The following ARHGEF10L variants were observed in gnomAD, a reference collection of about 807,000 sequenced individuals.
The protein encoded by ARHGEF10L is rho guanine nucleotide exchange factor 10-like protein.
ARHGEF10L carries 69 observed loss-of-function variants against 141.2 expected under a neutral mutation model. The observed-to-expected ratio is 0.49, with a 90% CI of 0.40 to 0.60. The LOEUF (loss-of-function observed/expected upper bound fraction) is 0.60. Among genes scored for constraint, ARHGEF10L ranks in the 20% least tolerant of loss-of-function variants. The probability of loss-of-function intolerance (pLI) is 0.00; values close to 1 mark genes in which losing one functional copy is unlikely to be tolerated. For synonymous variants in ARHGEF10L, 711 were observed against 718.5 expected (o/e 0.99, Z 0.17); for missense variants, 1,482 against 1,734.3 (o/e 0.85, Z 2.58).
chr1:17,578,232 C>G (rs1376310642), intron 1 of ARHGEF10L, among the ~76,000 whole-genome samples: 1 of 152,178 alleles, frequency 6.6e-6, no homozygotes, highest in South Asian at 2.1e-4. Flanking sequence ...TTTGAATGAG[C>G]CCACTGGGAG....
chr1:17,585,370 G>C (rs1436940174), intron 2 of ARHGEF10L, among the ~76,000 whole-genome samples: 1 of 152,190 alleles, frequency 6.6e-6, no homozygotes, highest in Non-Finnish European at 1.5e-5. Context: ...AAATGGAGGT[G>C]ATCCTGAGGC....
intron 1 of ARHGEF10L, among the ~76,000 whole-genome samples, chr1:17,565,057 G>A (rs1296606855): frequency 6.6e-6 from 1 of 152,230 alleles, no homozygotes; most frequent in East Asian, 1.9e-4. Context: ...ATTTCTCAAA[G>A]TTCTGAAGGC....
intron 21 of ARHGEF10L, among the ~76,000 whole-genome samples, chr1:17,641,606 G>A (rs1018698236): frequency 9.9e-5 from 15 of 152,092 alleles, no homozygotes; most frequent in Admixed American, 9.8e-4. Context: ...CTGGGCAACA[G>A]AGCCAGACTC....
chr1:17,575,851 C>A (rs34932492), intron 1 of ARHGEF10L, among the ~76,000 whole-genome samples: 3,065 of 152,286 alleles, frequency 0.02, 53 homozygotes, highest in East Asian at 0.084. Flanking sequence ...TCTTTCCCCC[C>A]ATTCCCCACC....
At position 17,580,536 on chromosome 1, in the gene ARHGEF10L, T is replaced by C. The variant is rs2078448059; in HGVS notation, c.-43-17T>C. The C allele has an allele frequency of 6.2e-7, 1 of 1,610,718 alleles. No individual in the cohort carries two copies. Among genetic ancestry groups the C allele is most frequent in the Non-Finnish European group, 8.5e-7 (1 of 1,176,918 alleles). On this transcript the variant is annotated splice_polypyrimidine_tract_variant and intron_variant, in intron 1 of 28. Transcript: ENST00000361221. ...CCCTGACTCCAGCTAATGCGATTTC[T>C]GGTCTTCTTTCCACAGGTGTGTAGC...
chr1:17,596,769 G>A (rs905847861), intron 4 of ARHGEF10L, among the ~76,000 whole-genome samples: 2 of 152,178 alleles, frequency 1.3e-5, no homozygotes, highest in African/African-American at 2.4e-5. Context: ...GGCCCGGCGC[G>A]GTGGCTCATG....
intron 1 of ARHGEF10L, among the ~76,000 whole-genome samples, chr1:17,552,587 T>A (rs926815385): frequency 8.5e-6 from 1 of 117,910 alleles, no homozygotes; most frequent in African/African-American, 2.9e-5. Context: ...TTTTTTTTTT[T>A]TTTTTTTTTT....
chr1:17,565,242 C>G (rs1476981071), intron 1 of ARHGEF10L, among the ~76,000 whole-genome samples: 1 of 152,220 alleles, frequency 6.6e-6, no homozygotes, highest in Non-Finnish European at 1.5e-5. Context: ...ATTACCTCCC[C>G]AAAGCCCCAC....
At chr1:17,579,999 C>T (rs1363287861) in intron 1 of ARHGEF10L, among the ~76,000 whole-genome samples, 1 of 152,252 alleles carries the variant, frequency 6.6e-6, no homozygotes, top group Non-Finnish European at 1.5e-5. Flanking sequence ...TTTCCTCACA[C>T]CCATGTGCCA....
At chr1:17,552,385 A>C (rs2077145913) in intron 1 of ARHGEF10L, among the ~76,000 whole-genome samples, 2 of 151,888 alleles carry the variant, frequency 1.3e-5, no homozygotes, top group East Asian at 3.9e-4. Flanking sequence ...ACCACGCATG[A>C]TCTTGTTTCA....
intron 21 of ARHGEF10L, among the ~76,000 whole-genome samples, chr1:17,642,237 G>A (rs968446535): frequency 1.3e-5 from 2 of 152,170 alleles, no homozygotes; most frequent in Non-Finnish European, 2.9e-5. Context: ...CCATCTGGGG[G>A]ACCCCTGAGG....
upstream of ARHGEF10L, among the ~76,000 whole-genome samples, chr1:17,538,975 A>G (rs1463891905): frequency 1.3e-5 from 2 of 152,356 alleles, no homozygotes; most frequent in African/African-American, 2.4e-5. Flanking sequence ...AGGAGGGAGT[A>G]CCTAGTGTTT....
intron 25 of ARHGEF10L, among the ~76,000 whole-genome samples, chr1:17,663,063 C>T (rs1299082872): frequency 6.6e-6 from 1 of 152,220 alleles, no homozygotes; most frequent in Admixed American, 6.5e-5. Flanking sequence ...CAAGACAGGG[C>T]AGCCACCGGG....
At chr1:17,695,949 C>T (rs2065464106) in intron 28 of ARHGEF10L, among the ~76,000 whole-genome samples, 1 of 152,116 alleles carries the variant, frequency 6.6e-6, no homozygotes, top group Admixed American at 6.5e-5. Context: ...GTAATCCTAG[C>T]ACTTTGGGAG....
At position 17,695,171 on chromosome 1, in the gene ARHGEF10L, GT is replaced by G; in HGVS notation, c.3199del (p.Cys1067ValfsTer6). ...TFLLPGQKHLCVTSLLICQGL... is the reference protein window; with the variant it reads ...TFLLPGQKHLXVTSLLICQGL... ...CTCTTTCTGCAGGCCAGAAGCACTT[GT>G]GTGTCACCAGCCTCCTGATCTGCCA... On this transcript the variant is annotated frameshift_variant, in exon 28 of 29. Transcript: ENST00000361221. LOFTEE classifies it high-confidence loss of function. 1.9e-6 allele frequency: 3 copies of G among 1,612,900 alleles called. No individual in the cohort carries two copies. Among genetic ancestry groups the G allele is most frequent in the Non-Finnish European group, 2.5e-6 (3 of 1,179,980 alleles).
At chr1:17,613,297 C>A in intron 8 of ARHGEF10L, 123 bp downstream of exon 8, 1 of 777,868 alleles carries the variant, frequency 1.3e-6, no homozygotes, top group Non-Finnish European at 2.2e-6. Flanking sequence ...AGTCCCAGGG[C>A]TGTCCTGAGA....
At chr1:17,562,146 G>A (rs1246358680) in intron 1 of ARHGEF10L, among the ~76,000 whole-genome samples, 6 of 152,194 alleles carry the variant, frequency 3.9e-5, no homozygotes, top group Admixed American at 3.3e-4. Context: ...TGGGTGTAGT[G>A]GCTCACACCT....
At chr1:17,624,170 G>T (rs561267524) in intron 12 of ARHGEF10L, among the ~76,000 whole-genome samples, 1 of 152,288 alleles carries the variant, frequency 6.6e-6, no homozygotes, top group Admixed American at 6.5e-5. Context: ...TCCCACCTGT[G>T]ACCTCAGGCC....
chr1:17,554,583 C>CTTTT (rs970778480), intron 1 of ARHGEF10L, among the ~76,000 whole-genome samples: 23 of 122,306 alleles, frequency 1.9e-4, no homozygotes, highest in African/African-American at 2.8e-4. Context: ...TCCTTCCTTC[C>CTTTT]TTTTTTTTTT....
Sources: gnomAD v4.1 joint callset for allele counts (sites outside exome capture counted in the v4.1 genomes callset) on GRCh38, gnomAD v4.1.1 for gene constraint, MANE v1.5 for transcripts, NCBI Gene and HGNC (gene_info 2026-07-23, HGNC 2026-07-21) for gene names.